Variants in GPR39 observed in about 807,000 individuals in gnomAD.
The protein encoded by GPR39 is G protein-coupled receptor 39, also known as zinc sensing receptor.
A neutral mutation model predicts 18.4 loss-of-function variants in GPR39; 23 were observed. The ratio of observed to expected loss-of-function variants is 1.25; its 90% CI spans 0.90 to 1.77. The LOEUF (loss-of-function observed/expected upper bound fraction) is 1.77. Among genes scored for constraint, GPR39 ranks in the 40% most tolerant of loss-of-function variants. The pLI is 0.00. For missense variants in GPR39, 647 were observed against 602.4 expected (o/e 1.07, Z -0.78); for synonymous variants, 280 against 257.9 (o/e 1.09, Z -0.82).
rs1456842885 is a variant in GPR39 at position 132,532,114 on chromosome 2, GAA to G, written c.857-112984_857-112983del. On this transcript the variant is annotated intron_variant, in intron 1 of 1. Coordinates refer to ENST00000329321, the MANE Select transcript of GPR39 (RefSeq NM_001508.3). The stretch of plus-strand genomic sequence containing the variant: ...GATAGACCACTAGCAAGACTAAGAA[GAA>G]AAGAGAGAAGAATCAAATAGACACA... Among the ~76,000 whole-genome samples, 5 of 151,754 alleles carry G rather than the reference GAA, an allele frequency of 3.3e-5. No individual in the cohort carries two copies. In the East Asian group the frequency reaches 9.7e-4, roughly 29 times the overall value.
intron 1 of GPR39, among the ~76,000 whole-genome samples, chr2:132,513,329 G>A (rs1467143873): frequency 1.3e-5 from 2 of 152,186 alleles, no homozygotes; most frequent in Admixed American, 6.5e-5. Flanking sequence ...CGGGCGAGGT[G>A]GCGGGCGCCT....
intron 1 of GPR39, among the ~76,000 whole-genome samples, chr2:132,625,608 A>G (rs1681528684): frequency 6.6e-6 from 1 of 152,170 alleles, no homozygotes. Context: ...TGTTTTCAGT[A>G]TACAGCTTTA....
intron 1 of GPR39, among the ~76,000 whole-genome samples, chr2:132,492,780 A>G (rs1010431875): frequency 4.7e-5 from 1 of 21,470 alleles, no homozygotes; most frequent in Non-Finnish European, 1.7e-4. Context: ...CCATATATAT[A>G]CCATATATAT....
chr2:132,490,964 G>T (rs907501861), intron 1 of GPR39, among the ~76,000 whole-genome samples: 8 of 152,148 alleles, frequency 5.3e-5, no homozygotes, highest in African/African-American at 1.9e-4. Flanking sequence ...TACCAGGCCC[G>T]CGAGCTGAAT....
chr2:132,645,163 G>A lies in GPR39; in HGVS notation c.919G>A (p.Ala307Thr). ...CAACCAGATTCGGAGGATCATGGCT[G>A]CGGCCAAACCCAAGCACGACTGGAC... ...MPNQIRRIMA[A>T]AKPKHDWTRS... Residue 307 changes from alanine (A) to threonine (T), a missense_variant, in exon 2 of 2, where the codon GCG (alanine) becomes ACG (threonine). Around this residue, in one of 3 missense-constraint regions of GPR39, gnomAD observed 581 missense variants for 506.8 expected, o/e 1.15. Transcript: ENST00000329321. The A allele has an allele frequency of 6.2e-7, 1 of 1,614,180 alleles. No homozygotes were observed. Among genetic ancestry groups the A allele is most frequent in the Non-Finnish European group, 8.5e-7 (1 of 1,180,038 alleles).
intron 1 of GPR39, among the ~76,000 whole-genome samples, chr2:132,631,386 T>C (rs538601697): frequency 6.6e-6 from 1 of 152,316 alleles, no homozygotes; most frequent in Non-Finnish European, 1.5e-5. Flanking sequence ...TTTATTCTTA[T>C]CATGTTGTGC....
intron 1 of GPR39, chr2:132,418,673 C>A (rs1319047838): frequency 6.6e-6 from 1 of 152,274 alleles, no homozygotes; most frequent in Middle Eastern, 3.4e-3. Flanking sequence ...AAAGTTGAGG[C>A]CTCGTCTATT....
intron 1 of GPR39, among the ~76,000 whole-genome samples, chr2:132,509,291 A>G (rs1281216871): frequency 6.6e-6 from 1 of 152,182 alleles, no homozygotes; most frequent in Non-Finnish European, 1.5e-5. Flanking sequence ...ATAATATATG[A>G]GCATTAGAGA....
At chr2:132,454,637 T>G (rs1458907665) in intron 1 of GPR39, among the ~76,000 whole-genome samples, 2 of 152,184 alleles carry the variant, frequency 1.3e-5, no homozygotes, top group Non-Finnish European at 2.9e-5. Context: ...ATAGCTCTTA[T>G]TATTTTGAGA....
chr2:132,484,740 T>G (rs1378742023), intron 1 of GPR39, among the ~76,000 whole-genome samples: 1 of 152,222 alleles, frequency 6.6e-6, no homozygotes, highest in African/African-American at 2.4e-5. Context: ...TAAAATCTTT[T>G]TATAAGAATT....
chr2:132,637,381 T>TTC (rs1231376770), intron 1 of GPR39, among the ~76,000 whole-genome samples: 1 of 152,246 alleles, frequency 6.6e-6, no homozygotes, highest in Non-Finnish European at 1.5e-5. Context: ...GCCTCTGGCC[T>TTC]CAACGTGGTG....
chr2:132,529,263 A>G (rs1356660225), intron 1 of GPR39, among the ~76,000 whole-genome samples: 1 of 152,182 alleles, frequency 6.6e-6, no homozygotes, highest in African/African-American at 2.4e-5. Context: ...TTGCTAGCAC[A>G]GCAGTCTGAG....
chr2:132,426,822 A>G (rs369982801), intron 1 of GPR39, among the ~76,000 whole-genome samples: 32 of 152,196 alleles, frequency 2.1e-4, no homozygotes, highest in Middle Eastern at 3.4e-3. Context: ...TAACAGACAG[A>G]TCGGGAGGCA....
chr2:132,529,897 TG>T (rs1241224483), intron 1 of GPR39, among the ~76,000 whole-genome samples: 2 of 151,900 alleles, frequency 1.3e-5, no homozygotes, highest in East Asian at 1.9e-4. Flanking sequence ...ACCACAAAGA[TG>T]GGGAAAAAAC....
chr2:132,533,233 C>T (rs1171247028), intron 1 of GPR39, among the ~76,000 whole-genome samples: 3 of 152,102 alleles, frequency 2.0e-5, no homozygotes, highest in African/African-American at 4.8e-5. Context: ...CATGAGTGAA[C>T]TCCCATTCAC....
Position 132,591,274 on chromosome 2 carries a change from AAAAC to A in GPR39, c.857-53823_857-53820del, listed in dbSNP as rs1367908435. On this transcript the variant is annotated intron_variant, in intron 1 of 1. Coordinates refer to ENST00000329321, the MANE Select transcript of GPR39 (RefSeq NM_001508.3). The stretch of plus-strand genomic sequence containing the variant: ...CTCCGTCTCAAAAAAAAAAAAAAAA[AAAAC>A]AAAAAAAAACAGAGGAACATTGTAG... Among the ~76,000 whole-genome samples the A allele has an allele frequency of 2.1e-3, 255 of 122,618 alleles. 33 individuals are homozygous for A. The highest frequency in any genetic ancestry group is 0.018 in the South Asian group (70 of 3,832). 80.4% of individuals were successfully genotyped at this position (122,618 alleles called of 152,430 possible). A position where few individuals can be genotyped will look rare whatever the true frequency, so the allele number is the denominator to read the frequency against.
chr2:132,541,647 G>A (rs758880878), intron 1 of GPR39, among the ~76,000 whole-genome samples: 18 of 152,180 alleles, frequency 1.2e-4, no homozygotes, highest in Non-Finnish European at 2.4e-4. Flanking sequence ...AGGGTAGGAT[G>A]ATTTGTGGTG....
chr2:132,546,100 C>G (rs1186754165), intron 1 of GPR39, among the ~76,000 whole-genome samples: 1 of 152,168 alleles, frequency 6.6e-6, no homozygotes, highest in Non-Finnish European at 1.5e-5. Context: ...TGAGACTTAG[C>G]CAAGAGACAA....
chr2:132,494,721 AAC>A (rs1294809958), intron 1 of GPR39, among the ~76,000 whole-genome samples: 1 of 152,140 alleles, frequency 6.6e-6, no homozygotes, highest in African/African-American at 2.4e-5. Flanking sequence ...GAATTCATTC[AAC>A]ACACCACTAA....
Sources: allele counts gnomAD v4.1 joint callset (sites outside exome capture counted in the v4.1 genomes callset), GRCh38; gene constraint gnomAD v4.1.1; regional missense constraint gnomAD v4.1.1; transcripts MANE v1.5; gene names NCBI Gene and HGNC (gene_info 2026-07-23, HGNC 2026-07-21).